Variants in NETO2 observed in about 807,000 individuals in gnomAD.
NETO2 encodes the protein neuropilin and tolloid-like protein 2.
A neutral mutation model predicts 62.5 loss-of-function variants in NETO2; 28 were observed. The observed-to-expected ratio is 0.45, with a 90% CI of 0.33 to 0.61. The LOEUF is 0.61. Ranked by LOEUF, NETO2 falls within the 20% of genes least tolerant of loss-of-function variation. The pLI is 0.02. For synonymous variants in NETO2, 214 were observed against 219.1 expected, an observed-to-expected ratio of 0.98 and a Z score of 0.21; for missense variants, 548 against 643.2, an observed-to-expected ratio of 0.85 and a Z score of 1.60.
intron 7 of NETO2, among the ~76,000 whole-genome samples, chr16:47,100,476 C>T (rs903517574): frequency 6.6e-6 from 1 of 150,932 alleles, no homozygotes; most frequent in Non-Finnish European, 1.5e-5. Flanking sequence ...CTGAAGGAGA[C>T]AGAGACACAA....
intron 7 of NETO2, among the ~76,000 whole-genome samples, chr16:47,098,672 A>G (rs549811581): frequency 3.3e-5 from 5 of 152,344 alleles, no homozygotes; most frequent in Non-Finnish European, 7.3e-5. Flanking sequence ...CAGGAAATAC[A>G]GAGACCACCA....
chr16:47,097,314 TG>T (rs1233552298), intron 7 of NETO2, among the ~76,000 whole-genome samples: 1 of 152,178 alleles, frequency 6.6e-6, no homozygotes, highest in Non-Finnish European at 1.5e-5. Flanking sequence ...GAAGTTGACC[TG>T]GGACGCTTGA....
At chr16:47,109,159 T>C (rs1395030265) in intron 7 of NETO2, among the ~76,000 whole-genome samples, 1 of 152,134 alleles carries the variant, frequency 6.6e-6, no homozygotes, top group Non-Finnish European at 1.5e-5. Context: ...ACCTTGTGAC[T>C]TGCACATTTT....
chr16:47,108,477 T>C (rs896144639), intron 7 of NETO2, among the ~76,000 whole-genome samples: 2 of 152,186 alleles, frequency 1.3e-5, no homozygotes, highest in African/African-American at 4.8e-5. Flanking sequence ...TTCACTGACA[T>C]GATGTAATTA....
chr16:47,115,714 CAT>C (rs918750034), intron 6 of NETO2, among the ~76,000 whole-genome samples: 60 of 128,386 alleles, frequency 4.7e-4, no homozygotes, highest in Admixed American at 6.8e-4. Context: ...TATATATATA[CAT>C]ATATATATAT....
intron 6 of NETO2, among the ~76,000 whole-genome samples, chr16:47,118,899 C>G (rs568980784): frequency 6.6e-6 from 1 of 152,102 alleles, no homozygotes; most frequent in South Asian, 2.1e-4. Flanking sequence ...AGTGTTCAAA[C>G]TTCTGTCATC....
chr16:47,084,399 T>A (rs1396696771), intron 8 of NETO2, among the ~76,000 whole-genome samples: 2 of 152,182 alleles, frequency 1.3e-5, no homozygotes, highest in Non-Finnish European at 2.9e-5. Context: ...GAACTGGGTA[T>A]CACTGCAGGA....
intron 8 of NETO2, among the ~76,000 whole-genome samples, chr16:47,084,526 C>G (rs2231979): frequency 0.021 from 3,197 of 152,300 alleles, 117 homozygotes; most frequent in African/African-American, 0.073. Flanking sequence ...ATTCTCACAG[C>G]AGCAGGAGCC....
At chr16:47,103,523 A>G (rs1963601518) in intron 7 of NETO2, among the ~76,000 whole-genome samples, 1 of 152,220 alleles carries the variant, frequency 6.6e-6, no homozygotes, top group African/African-American at 2.4e-5. Context: ...TGAGGCCAGA[A>G]CTAGTTACTC....
intron 7 of NETO2, among the ~76,000 whole-genome samples, chr16:47,091,896 C>T (rs1963320710): frequency 6.6e-6 from 1 of 151,864 alleles, no homozygotes; most frequent in Non-Finnish European, 1.5e-5. Flanking sequence ...GGCTGGAATG[C>T]AGTGGCATGA....
chr16:47,115,398 T>C (rs1963890123), intron 6 of NETO2, among the ~76,000 whole-genome samples: 1 of 152,070 alleles, frequency 6.6e-6, no homozygotes, highest in Non-Finnish European at 1.5e-5. Context: ...CTCTGAATAT[T>C]TTCATTATGG....
At chr16:47,143,372 AG>A (rs1964504671) in intron 1 of NETO2, among the ~76,000 whole-genome samples, 1 of 151,796 alleles carries the variant, frequency 6.6e-6, no homozygotes. Context: ...CCGGACTCGC[AG>A]GGGTCGGAAG....
At chr16:47,121,753 G>A (rs891214764) in intron 6 of NETO2, among the ~76,000 whole-genome samples, 2 of 152,206 alleles carry the variant, frequency 1.3e-5, no homozygotes, top group Non-Finnish European at 2.9e-5. Context: ...CCCCTGTGCA[G>A]TAACAGGTTA....
At chr16:47,112,337 C>T (rs1173009905) in intron 6 of NETO2, among the ~76,000 whole-genome samples, 1 of 152,128 alleles carries the variant, frequency 6.6e-6, no homozygotes, top group Non-Finnish European at 1.5e-5. Context: ...TTAAATAAAA[C>T]CATCTATTTA....
At chr16:47,129,067 A>C (rs1207578750) in intron 3 of NETO2, among the ~76,000 whole-genome samples, 157 bp downstream of exon 3, 1 of 152,244 alleles carries the variant, frequency 6.6e-6, no homozygotes, top group Non-Finnish European at 1.5e-5. Context: ...GTATCTTGTT[A>C]ATGTATTCAA....
chr16:47,111,086 TC>T lies in NETO2; in HGVS notation c.655-1376del, dbSNP rs566429775. Among the ~76,000 whole-genome samples the T allele has an allele frequency of 5.9e-5, 9 of 152,296 alleles. No homozygotes were observed. The East Asian group carries it at 1.7e-3, about 29-fold the overall frequency. ...TCCATCACTTATATAACCCAAACCC[TC>T]CGCTCACACTCTGGTAGCGAGCTCT... On this transcript the variant is annotated intron_variant, in intron 6 of 8. Transcript: ENST00000562435.
At chr16:47,101,979 A>C (rs1160892593) in intron 7 of NETO2, among the ~76,000 whole-genome samples, 1 of 152,210 alleles carries the variant, frequency 6.6e-6, no homozygotes. Flanking sequence ...AGCCAAGACA[A>C]TCCTAAGCAA....
intron 6 of NETO2, among the ~76,000 whole-genome samples, chr16:47,114,729 TGTGAGCCACCGCG>T (rs1489665616): frequency 6.6e-6 from 1 of 151,980 alleles, no homozygotes; most frequent in Non-Finnish European, 1.5e-5. Context: ...GGATTACAGA[TGTGAGCCACCGCG>T]CCCAGCCTGA....
chr16:47,115,714 C>CATATATAT (rs918750034), intron 6 of NETO2, among the ~76,000 whole-genome samples: 2 of 128,474 alleles, frequency 1.6e-5, no homozygotes, highest in African/African-American at 7.0e-5. Context: ...TATATATATA[C>CATATATAT]ATATATATAT....
Sources: gnomAD v4.1 joint callset for allele counts (sites outside exome capture counted in the v4.1 genomes callset) on GRCh38, gnomAD v4.1.1 for gene constraint, MANE v1.5 for transcripts, NCBI Gene and HGNC (gene_info 2026-07-23, HGNC 2026-07-21) for gene names.